ADAMTS12: variants seen among roughly 807,000 people sequenced by gnomAD.
The protein encoded by ADAMTS12 is A disintegrin and metalloproteinase with thrombospondin motifs 12.
A neutral mutation model predicts 167.8 loss-of-function variants in ADAMTS12; 118 were observed. The observed-to-expected ratio is 0.70, with a 90% CI of 0.61 to 0.82. The LOEUF (loss-of-function observed/expected upper bound fraction) is 0.82. Ranked by LOEUF, ADAMTS12 falls within the 40% of genes least tolerant of loss-of-function variation. ADAMTS12 has a pLI of 0.00. For missense variants in ADAMTS12, 1,916 were observed against 1,998.8 expected (o/e 0.96, Z 0.79); for synonymous variants, 704 against 716.9 (o/e 0.98, Z 0.29).
intron 3 of ADAMTS12, among the ~76,000 whole-genome samples, chr5:33,741,465 T>A (rs955155965): frequency 6.6e-6 from 1 of 152,124 alleles, no homozygotes; most frequent in Non-Finnish European, 1.5e-5. Flanking sequence ...TTTAATTAGG[T>A]CTTTAAGACC....
intron 20 of ADAMTS12, among the ~76,000 whole-genome samples, chr5:33,558,996 C>T (rs1372762236): frequency 2.6e-5 from 4 of 152,168 alleles, no homozygotes; most frequent in Non-Finnish European, 5.9e-5. Flanking sequence ...AAGACCAGAG[C>T]CTTGCTTTGG....
chr5:33,671,471 C>T (rs1343529211), intron 5 of ADAMTS12, among the ~76,000 whole-genome samples: 1 of 152,074 alleles, frequency 6.6e-6, no homozygotes, highest in Non-Finnish European at 1.5e-5. Context: ...CTTACAACTG[C>T]ATGTGAATGT....
intron 19 of ADAMTS12, among the ~76,000 whole-genome samples, chr5:33,563,198 T>C (rs2111899186): frequency 6.6e-6 from 1 of 152,318 alleles, no homozygotes; most frequent in East Asian, 1.9e-4. Flanking sequence ...GTAATAGAGA[T>C]AACAGCTGAA....
chr5:33,665,059 T>TAA (rs982986563), intron 5 of ADAMTS12, among the ~76,000 whole-genome samples: 2 of 152,156 alleles, frequency 1.3e-5, no homozygotes, highest in African/African-American at 4.8e-5. Flanking sequence ...TATATATATA[T>TAA]AATGGAACAT....
chr5:33,617,810 A>G (rs1472943364), intron 14 of ADAMTS12, among the ~76,000 whole-genome samples: 4 of 152,180 alleles, frequency 2.6e-5, no homozygotes, highest in Admixed American at 6.5e-5. Context: ...AAAACAATAA[A>G]TAACAGTGTT....
intron 3 of ADAMTS12, among the ~76,000 whole-genome samples, chr5:33,728,247 A>G (rs895568635): frequency 3.3e-5 from 5 of 152,158 alleles, no homozygotes; most frequent in Non-Finnish European, 5.9e-5. Flanking sequence ...GTTCACTGAA[A>G]TGAGACATTT....
intron 3 of ADAMTS12, among the ~76,000 whole-genome samples, chr5:33,737,155 A>G (rs1744402770): frequency 6.6e-6 from 1 of 152,206 alleles, no homozygotes; most frequent in Non-Finnish European, 1.5e-5. Context: ...TGTTCTTGTT[A>G]CTGTGCCATC....
At chr5:33,652,240 A>G (rs933055550) in intron 7 of ADAMTS12, among the ~76,000 whole-genome samples, 1 of 152,072 alleles carries the variant, frequency 6.6e-6, no homozygotes, top group Non-Finnish European at 1.5e-5. Flanking sequence ...TATATTTCCA[A>G]CCACAGTGGT....
At chr5:33,675,842 A>G (rs1360525823) in intron 5 of ADAMTS12, among the ~76,000 whole-genome samples, 3 of 152,164 alleles carry the variant, frequency 2.0e-5, no homozygotes, top group African/African-American at 7.2e-5. Context: ...TGAGAATAGT[A>G]ATTAGTTATG....
intron 11 of ADAMTS12, among the ~76,000 whole-genome samples, 170 bp from the exon 12 acceptor site, chr5:33,637,916 T>C (rs1740272574): frequency 6.6e-6 from 1 of 152,224 alleles, no homozygotes; most frequent in South Asian, 2.1e-4. Flanking sequence ...CCTGACAACA[T>C]TTCAGTCCTA....
chr5:33,682,247 A>C (rs921733453), intron 5 of ADAMTS12, among the ~76,000 whole-genome samples: 2 of 152,210 alleles, frequency 1.3e-5, no homozygotes, highest in African/African-American at 4.8e-5. Context: ...GCGTAATAGT[A>C]CTGTTGGGTA....
chr5:33,805,894 G>GA, intron 2 of ADAMTS12, among the ~76,000 whole-genome samples: 1 of 130,966 alleles, frequency 7.6e-6, no homozygotes, highest in African/African-American at 2.9e-5. Context: ...TCTCTGAAAA[G>GA]AAAAGGGGGA....
intron 3 of ADAMTS12, among the ~76,000 whole-genome samples, chr5:33,747,473 G>A (rs764866008): frequency 6.6e-6 from 1 of 152,038 alleles, no homozygotes; most frequent in Non-Finnish European, 1.5e-5. Context: ...GAACAATTTT[G>A]CATTATCTGT....
chr5:33,679,871 G>C (rs146421967), intron 5 of ADAMTS12, among the ~76,000 whole-genome samples: 4 of 152,270 alleles, frequency 2.6e-5, no homozygotes, highest in Non-Finnish European at 5.9e-5. Context: ...AACTTCCTTA[G>C]AGTTGCTGAA....
At chr5:33,535,052 A>G (rs1029436541) in intron 22 of ADAMTS12, 60 bp from the exon 23 acceptor site, 2 of 1,498,076 alleles carry the variant, frequency 1.3e-6, no homozygotes, top group African/African-American at 1.4e-5. Flanking sequence ...AGGAAACACC[A>G]GTAGAACACC....
At chr5:33,849,336 G>T in intron 2 of ADAMTS12, among the ~76,000 whole-genome samples, 4 of 131,406 alleles carry the variant, frequency 3.0e-5, no homozygotes, top group Non-Finnish European at 3.2e-5. Context: ...TATATGTATT[G>T]AATAGCAATA....
intron 20 of ADAMTS12, among the ~76,000 whole-genome samples, chr5:33,560,152 T>C (rs1270275501): frequency 6.6e-6 from 1 of 152,216 alleles, no homozygotes. Context: ...TGGTTTATCT[T>C]GTAAGAGAAA....
intron 3 of ADAMTS12, among the ~76,000 whole-genome samples, chr5:33,712,785 G>T (rs1170533485): frequency 6.6e-6 from 1 of 152,096 alleles, no homozygotes; most frequent in African/African-American, 2.4e-5. Flanking sequence ...GGTGAAGCTG[G>T]TTGAGATGGG....
In ADAMTS12 at chr5:33,857,421, A is replaced by C. The variant is rs191124202; in HGVS notation, c.489+23698T>G. Among the ~76,000 whole-genome samples, 4 of 145,574 alleles carry C rather than the reference A, an allele frequency of 2.7e-5. No individual in the cohort carries two copies. The East Asian group carries it at 6.1e-4, about 22-fold the overall frequency. ...AGGGTAGATTTTAAGTGCTCTCATC[A>C]CAAAAAAAAAAAAGAAAATGGTAAA... On this transcript the variant is annotated intron_variant, in intron 2 of 23. Transcript: ENST00000504830.
Sources: allele counts gnomAD v4.1 joint callset (sites outside exome capture counted in the v4.1 genomes callset), GRCh38; gene constraint gnomAD v4.1.1; transcripts MANE v1.5; gene names NCBI Gene and HGNC (gene_info 2026-07-23, HGNC 2026-07-21).